BSPH1: variants seen among roughly 807,000 people sequenced by gnomAD.
BSPH1 encodes binder of sperm protein homolog 1.
In BSPH1, 21 loss-of-function variants were observed where a neutral mutation model predicts 22.5. The ratio of observed to expected loss-of-function variants is 0.93; its 90% CI spans 0.66 to 1.35. BSPH1 has a LOEUF of 1.35. BSPH1 is among the 40% of genes most tolerant of loss of function. The pLI, the probability that BSPH1 is intolerant of heterozygous loss-of-function variation, is 0.00. For synonymous variants in BSPH1, 42 were observed against 53.6 expected (o/e 0.78, Z 0.95); for missense variants, 141 against 154.2 (o/e 0.91, Z 0.45).
At chr19:47,976,891 CCTTT>C in intron 4 of BSPH1, 37 bp from the exon 5 acceptor site, 1 of 1,546,926 alleles carries the variant, frequency 6.5e-7, no homozygotes, top group Non-Finnish European at 8.7e-7. Flanking sequence ...GAGTAAGAAA[CCTTT>C]CTAATTTGCA....
At chr19:47,985,375 A>T (rs1239487013) in intron 1 of BSPH1, among the ~76,000 whole-genome samples, 3 of 152,348 alleles carry the variant, frequency 2.0e-5, no homozygotes, top group Admixed American at 2.0e-4. Context: ...AAAAGTCTTC[A>T]ATCTAGAATT....
At chr19:47,988,807 G>A (rs11083909) in intron 1 of BSPH1, among the ~76,000 whole-genome samples, 103,559 of 151,928 alleles carry the variant, frequency 0.68, 35,724 homozygotes, top group African/African-American at 0.78. Context: ...AATCCCTTAG[G>A]CAACCCATCA....
Position 47,976,781 on chromosome 19 carries a change from T to C in BSPH1, c.330A>G (p.Ala110=), listed in dbSNP as rs1461925580. ...IYWECTDDGE[A]FGKKWCSLTK... is the part of the protein sequence containing the mutation. ...TCAGTGAACACCATTTTTTCCCAAA[T>C]GCTTCCCCATCATCAGTACACTCCC... is the stretch of plus-strand genomic sequence containing the variant. The change falls in exon 5 of 6, where the codon GCA becomes GCG. Residue 110 remains alanine (A), a synonymous_variant. Transcript: ENST00000344839. 4 of 1,551,686 alleles carry C rather than the reference T, an allele frequency of 2.6e-6. No homozygotes were observed. The highest frequency in any genetic ancestry group is 3.5e-6 in the Non-Finnish European group (4 of 1,146,928).
chr19:47,976,651 A>G, intron 5 of BSPH1, 59 bp downstream of exon 5: 1 of 1,407,196 alleles, frequency 7.1e-7, no homozygotes, highest in Admixed American at 2.1e-5. Context: ...CAAAAACTCT[A>G]GGTTCTTTCC....
intron 1 of BSPH1, among the ~76,000 whole-genome samples, chr19:47,985,071 AAAAAAAAG>A (rs1186856594): frequency 3.7e-5 from 5 of 134,292 alleles, no homozygotes; most frequent in South Asian, 2.6e-4. Flanking sequence ...CTGAAAAAAA[AAAAAAAAG>A]AAAGAAAAAG....
rs2122245035 is a variant in BSPH1, at chr19:47,976,766, C to T, written c.345G>A (p.Trp115Ter). 1 of 1,551,686 alleles carries T rather than the reference C, an allele frequency of 6.4e-7. No individual in the cohort carries two copies. The part of the protein sequence containing the change: ...TDDGEAFGKK[W>*]CSLTKNFNKD... ...TGTTAAAATTCTTGGTCAGTGAACA[C>T]CATTTTTTCCCAAATGCTTCCCCAT... The change falls in exon 5 of 6, where the codon TGG (tryptophan) becomes TGA (stop). Residue 115 changes from tryptophan to a stop codon, truncating the protein, a stop_gained. Coordinates refer to ENST00000344839, the MANE Select transcript of BSPH1 (RefSeq NM_001128326.2). LOFTEE classifies it high-confidence loss of function.
At chr19:47,977,003 A>G in intron 4 of BSPH1, 149 bp from the exon 5 acceptor site, 1 of 760,018 alleles carries the variant, frequency 1.3e-6, no homozygotes. Context: ...ACTCACACAG[A>G]CATACATGTA....
At position 47,989,114 on chromosome 19, in the gene BSPH1, TTA is replaced by T. The variant is rs1568399764; in HGVS notation, c.73+2893_73+2894del. The stretch of plus-strand genomic sequence containing the variant: ...GCAAACCTATCAAGTCACCGTTTTA[TTA>T]TTATTATTATTATTATTATTATTAT... On this transcript the variant is annotated intron_variant, in intron 1 of 5. Transcript: ENST00000344839. 7.6e-3 allele frequency among the ~76,000 whole-genome samples: 234 copies of T among 30,874 alleles called. 1 individual carries two copies. Among genetic ancestry groups the T allele is most frequent in the Middle Eastern group, 0.036 (3 of 84 alleles). The allele number at this position is 30,874 out of a possible 152,430, so 20.3% of individuals were successfully genotyped here. A position where few individuals can be genotyped will look rare whatever the true frequency, so the allele number is the denominator to read the frequency against.
chr19:47,973,479 A>T (rs1309879988), intron 5 of BSPH1, among the ~76,000 whole-genome samples: 2 of 152,090 alleles, frequency 1.3e-5, no homozygotes, highest in Non-Finnish European at 2.9e-5. Flanking sequence ...TGTGCACACA[A>T]ACACATACAC....
Position 47,974,986 on chromosome 19 carries a change from A to T in BSPH1, c.*2+1724T>A, listed in dbSNP as rs113146202. Among the ~76,000 whole-genome samples the T allele has an allele frequency of 3.0e-3, 458 of 152,102 alleles. 3 individuals are homozygous for T. Among genetic ancestry groups the T allele is most frequent in the African/African-American group, 6.1e-3 (253 of 41,494 alleles). Reference sequence around the variant, plus strand: ...ACTACTTTCCTGATAAAATACAATTAAAAAAAACTCTCTCACATATGAATC... The same window carrying T: ...ACTACTTTCCTGATAAAATACAATTTAAAAAAACTCTCTCACATATGAATC... On this transcript the variant is annotated intron_variant, in intron 5 of 5. Coordinates refer to ENST00000344839, the MANE Select transcript of BSPH1 (RefSeq NM_001128326.2).
intron 2 of BSPH1, 44 bp downstream of exon 2, chr19:47,980,877 A>C (rs1166527182): frequency 1.6e-6 from 2 of 1,249,594 alleles, no homozygotes; most frequent in Non-Finnish European, 2.2e-6. Context: ...TTTATTGCAA[A>C]AATTTGAAAA....
intron 5 of BSPH1, among the ~76,000 whole-genome samples, chr19:47,974,187 A>AT (rs1199342751): frequency 1.3e-5 from 2 of 151,094 alleles, no homozygotes; most frequent in African/African-American, 4.9e-5. Context: ...CTGGCAGGAG[A>AT]TTAAAGGGAA....
At chr19:47,978,023 TATATATAG>T (rs1969383985) in intron 3 of BSPH1, among the ~76,000 whole-genome samples, 1 of 145,644 alleles carries the variant, frequency 6.9e-6, no homozygotes, top group African/African-American at 2.5e-5. Context: ...TATATATATA[TATATATAG>T]TTATAGGTGC....
intron 3 of BSPH1, among the ~76,000 whole-genome samples, chr19:47,978,441 T>G (rs939742730): frequency 6.6e-6 from 1 of 152,192 alleles, no homozygotes; most frequent in Non-Finnish European, 1.5e-5. Flanking sequence ...TTCTGTGATA[T>G]GGATTCAACA....
intron 1 of BSPH1, among the ~76,000 whole-genome samples, chr19:47,981,493 C>T (rs1170887210): frequency 6.6e-6 from 1 of 152,208 alleles, no homozygotes; most frequent in Non-Finnish European, 1.5e-5. Flanking sequence ...TTTTGTGAGG[C>T]AGGCATTGTT....
At position 47,977,384 on chromosome 19, in the gene BSPH1, CA is replaced by C. The variant is rs1472685501; in HGVS notation, c.244del (p.Cys82AlafsTer18). The C allele has an allele frequency of 1.9e-6, 3 of 1,552,010 alleles. No homozygotes were observed. The highest frequency in any genetic ancestry group is 2.6e-6 in the Non-Finnish European group (3 of 1,147,046). On this transcript the variant is annotated frameshift_variant, in exon 4 of 6. Transcript: ENST00000344839. LOFTEE classifies it high-confidence loss of function. The stretch of plus-strand genomic sequence containing the variant: ...GACAGGACACTCACCTTCTGCACTG[CA>C]AAACTTCCAGTATCCTTCGTAGGTC... ...NKTYEGYWKF[C>X]SAEDFANCVF...
Position 47,976,849 on chromosome 19 carries a change from C to T in BSPH1, c.262G>A (p.Ala88Thr). Reference protein sequence around the residue: ...YWKFCSAEDFANCVFPFWYRR... With the variant: ...YWKFCSAEDFTNCVFPFWYRR... ...TACCAGAAGGGAAATACACAGTTTGCAAAATCTGCAGAGGAGGAAGAGGAA... is the reference window on the plus strand; with the variant it reads ...TACCAGAAGGGAAATACACAGTTTGTAAAATCTGCAGAGGAGGAAGAGGAA... The change falls in exon 5 of 6, where the codon GCA (alanine) becomes ACA (threonine). Residue 88 changes from alanine (A) to threonine (T), a missense_variant. Coordinates refer to ENST00000344839, the MANE Select transcript of BSPH1 (RefSeq NM_001128326.2). The T allele has an allele frequency of 6.4e-7, 1 of 1,550,948 alleles. No homozygotes were observed. Among genetic ancestry groups the T allele is most frequent in the Non-Finnish European group, 8.7e-7 (1 of 1,146,806 alleles).
At chr19:47,988,935 G>A (rs1316733709) in intron 1 of BSPH1, among the ~76,000 whole-genome samples, 2 of 151,788 alleles carry the variant, frequency 1.3e-5, no homozygotes, top group Non-Finnish European at 2.9e-5. Flanking sequence ...TTCAGGCTAG[G>A]CGTATAGCTG....
At position 47,977,379 on chromosome 19, in the gene BSPH1, C is replaced by T. The variant is rs373760536; in HGVS notation, c.250G>A (p.Ala84Thr). The T allele has an allele frequency of 1.9e-6, 3 of 1,551,774 alleles. No homozygotes were observed. The highest frequency in any genetic ancestry group is 2.6e-6 in the Non-Finnish European group (3 of 1,146,842). The change falls in exon 4 of 6, where the codon GCA becomes ACA. Residue 84 changes from alanine (A) to threonine (T), a missense_variant. Transcript: ENST00000344839. Reference sequence around the variant, plus strand: ...TTAGAGACAGGACACTCACCTTCTGCACTGCAAAACTTCCAGTATCCTTCG... The same window carrying T: ...TTAGAGACAGGACACTCACCTTCTGTACTGCAAAACTTCCAGTATCCTTCG... The part of the protein sequence containing the change: ...TYEGYWKFCS[A>T]EDFANCVFPF...
Sources: gnomAD v4.1 joint callset for allele counts (sites outside exome capture counted in the v4.1 genomes callset) on GRCh38, gnomAD v4.1.1 for gene constraint, MANE v1.5 for transcripts, NCBI Gene and HGNC (gene_info 2026-07-23, HGNC 2026-07-21) for gene names.